SV2C: variants seen among roughly 807,000 people sequenced by gnomAD.
SV2C encodes solute carrier family 22 member B3.
SV2C carries 49 observed loss-of-function variants against 79.7 expected under a neutral mutation model. That is an observed-to-expected ratio of 0.61 (90% CI 0.49 to 0.78). The LOEUF is 0.78. SV2C is among the 30% of genes least tolerant of loss of function. SV2C has a pLI of 0.00. For synonymous variants in SV2C, 334 were observed against 333.2 expected, an observed-to-expected ratio of 1.00 and a Z score of -0.03; for missense variants, 833 against 912.9, an observed-to-expected ratio of 0.91 and a Z score of 1.13.
chr5:76,349,274 G>A (rs1749602398), intron 12 of SV2C, among the ~76,000 whole-genome samples: 1 of 152,242 alleles, frequency 6.6e-6, no homozygotes, highest in African/African-American at 2.4e-5. Context: ...CACTTTGGGA[G>A]GCCAAGGCAG....
At chr5:75,880,027 G>T in the SV2C span, among the ~76,000 whole-genome samples, 1 of 152,158 alleles carries the variant, frequency 6.6e-6, no homozygotes, top group Non-Finnish European at 1.5e-5. Flanking sequence ...AGGGCCCTTT[G>T]AGCCATGGCT....
Position 76,313,635 on chromosome 5 carries a change from A to C in SV2C, c.2001-11729A>C, listed in dbSNP as rs1580062814. Among the ~76,000 whole-genome samples, 6 of 152,314 alleles carry C rather than the reference A, an allele frequency of 3.9e-5. 1 individual carries two copies. The South Asian group carries it at 1.2e-3, about 32-fold the overall frequency. ...GCCATGTGCTTGATATGCTGACAGC[A>C]GGGCCACCAGACTTGTGGGCCAGCT... On this transcript the variant is annotated intron_variant, in intron 12 of 12. Coordinates refer to ENST00000502798, the MANE Select transcript of SV2C (RefSeq NM_014979.4).
At chr5:75,979,119 A>G in the SV2C span, among the ~76,000 whole-genome samples, 1 of 152,232 alleles carries the variant, frequency 6.6e-6, no homozygotes, top group South Asian at 2.1e-4. Flanking sequence ...CTTTAAATCA[A>G]CAAAGATAAA....
In SV2C at chr5:76,291,351, A is replaced by C. The variant is rs759532322; in HGVS notation, c.1248+20A>C. On this transcript the variant is annotated intron_variant, in intron 7 of 12. Coordinates refer to ENST00000502798, the MANE Select transcript of SV2C (RefSeq NM_014979.4). ...TACGGAGTAAGTAACAAGTCCCATG[A>C]TGACCTGCATGTTAATTTATTGCAT... The C allele has an allele frequency of 6.5e-7, 1 of 1,549,680 alleles. No individual in the cohort carries two copies. The highest frequency in any genetic ancestry group is 2.0e-5 in the Admixed American group (1 of 51,114).
At chr5:76,087,789 G>T (rs1256907672) in intron 1 of SV2C, among the ~76,000 whole-genome samples, 1 of 152,134 alleles carries the variant, frequency 6.6e-6, no homozygotes, top group Non-Finnish European at 1.5e-5. Context: ...CCAAGTATCT[G>T]CTGGAAGCCC....
At chr5:76,340,044 G>C (rs1749410594) in intron 12 of SV2C, among the ~76,000 whole-genome samples, 1 of 152,212 alleles carries the variant, frequency 6.6e-6, no homozygotes, top group Non-Finnish European at 1.5e-5. Flanking sequence ...GGTGAGGAAA[G>C]TGACCTCTGA....
At chr5:76,056,274 G>C in the SV2C span, among the ~76,000 whole-genome samples, 4 of 152,270 alleles carry the variant, frequency 2.6e-5, no homozygotes, top group East Asian at 7.7e-4. Context: ...CATTGGTTCT[G>C]TTTATGTGAT....
the SV2C span, among the ~76,000 whole-genome samples, chr5:75,890,690 A>G: frequency 6.6e-6 from 1 of 151,980 alleles, no homozygotes; most frequent in African/African-American, 2.4e-5. Flanking sequence ...GGCTCCTGTG[A>G]TGTCTAATGA....
chr5:76,257,575 T>C (rs1038364595), intron 4 of SV2C, among the ~76,000 whole-genome samples: 1 of 149,972 alleles, frequency 6.7e-6, no homozygotes, highest in East Asian at 2.0e-4. Context: ...TGGGGGGACA[T>C]GGATATGTGT....
chr5:76,221,738 G>T (rs56335333), intron 4 of SV2C, among the ~76,000 whole-genome samples: 42,508 of 151,962 alleles, frequency 0.28, 6,670 homozygotes, highest in Middle Eastern at 0.39. Flanking sequence ...CTGGTACTCA[G>T]ATCACAGTTG....
upstream of SV2C, chr5:76,082,284 C>T (rs1044013589): frequency 3.3e-5 from 5 of 152,310 alleles, no homozygotes; most frequent in African/African-American, 1.2e-4. Context: ...CGACGCCCTC[C>T]ACTGCTGCCG....
At chr5:76,042,993 G>A in the SV2C span, among the ~76,000 whole-genome samples, 2 of 152,204 alleles carry the variant, frequency 1.3e-5, no homozygotes, top group Non-Finnish European at 2.9e-5. Context: ...GGTTAGATGT[G>A]TCTTCCAAGA....
At chr5:76,037,931 A>T in the SV2C span, among the ~76,000 whole-genome samples, 5 of 152,176 alleles carry the variant, frequency 3.3e-5, no homozygotes, top group African/African-American at 7.2e-5. Context: ...CAGGTGCCGG[A>T]TATAATTTCC....
the SV2C span, chr5:76,076,010 G>A: frequency 6.4e-6 from 1 of 155,996 alleles, no homozygotes; most frequent in African/African-American, 2.4e-5. Flanking sequence ...TTTCCATTGA[G>A]CCTTTAAACT....
At chr5:76,343,604 G>T (rs1483035859) in intron 12 of SV2C, among the ~76,000 whole-genome samples, 1 of 152,196 alleles carries the variant, frequency 6.6e-6, no homozygotes, top group Non-Finnish European at 1.5e-5. Context: ...AACTCCCACT[G>T]CTGAGGAGGG....
chr5:76,125,840 T>C (rs932197150), intron 1 of SV2C, among the ~76,000 whole-genome samples: 1 of 152,136 alleles, frequency 6.6e-6, no homozygotes, highest in Non-Finnish European at 1.5e-5. Flanking sequence ...GGAGGACTGC[T>C]TGAGCACAGA....
chr5:76,347,750 T>C (rs986630324), intron 12 of SV2C, among the ~76,000 whole-genome samples: 3 of 152,188 alleles, frequency 2.0e-5, no homozygotes, highest in African/African-American at 7.2e-5. Context: ...GTCCTAGCTA[T>C]GTTATTTAAT....
chr5:76,221,411 T>C (rs1463214357), intron 4 of SV2C, among the ~76,000 whole-genome samples: 23 of 152,196 alleles, frequency 1.5e-4, no homozygotes, highest in Admixed American at 1.5e-3. Context: ...GCTTTTAATA[T>C]TGTTAGATTT....
the SV2C span, among the ~76,000 whole-genome samples, chr5:75,955,353 T>C: frequency 6.6e-6 from 1 of 150,398 alleles, no homozygotes; most frequent in Non-Finnish European, 1.5e-5. Flanking sequence ...TGTAGAAAGC[T>C]GAAACTGGAT....
Sources: allele counts gnomAD v4.1 joint callset (sites outside exome capture counted in the v4.1 genomes callset), GRCh38; gene constraint gnomAD v4.1.1; transcripts MANE v1.5; gene names NCBI Gene and HGNC (gene_info 2026-07-23, HGNC 2026-07-21).